EP300: variants seen among roughly 807,000 people sequenced by gnomAD.
EP300 encodes EP300 lysine acetyltransferase, also known as histone acetyltransferase p300.
Under a neutral mutation model 264.0 loss-of-function variants are expected in EP300, and 31 were observed. The observed-to-expected ratio is 0.12, with a 90% CI of 0.09 to 0.16. The LOEUF is 0.16. Ranked by LOEUF, EP300 falls within the 10% of genes least tolerant of loss-of-function variation. The probability of loss-of-function intolerance (pLI) is 1.00; values close to 1 mark genes in which losing one functional copy is unlikely to be tolerated. For missense variants in EP300, 2,766 were observed against 3,052.9 expected (o/e 0.91, Z 2.21); for synonymous variants, 1,340 against 1,045.4 (o/e 1.28, Z -5.44).
chr22:41,127,382 A>G (rs1352509435), intron 3 of EP300, 105 bp from the exon 4 acceptor site: 15 of 1,481,746 alleles, frequency 1.0e-5, no homozygotes, highest in Admixed American at 5.1e-5. Context: ...TCTGGCTTAT[A>G]GTAGACTAAC....
chr22:41,135,937 C>T, intron 7 of EP300, 31 bp downstream of exon 7: 1 of 1,490,618 alleles, frequency 6.7e-7, no homozygotes, highest in South Asian at 1.1e-5. Context: ...TACCCTGGGT[C>T]ACATTACAAA....
At chr22:41,140,924 G>T in intron 9 of EP300, 124 bp from the exon 10 acceptor site, 3 of 886,788 alleles carry the variant, frequency 3.4e-6, no homozygotes, top group African/African-American at 1.7e-5. Flanking sequence ...TTTCTAAATT[G>T]GCACCAGTTC....
Position 41,127,352 on chromosome 22 carries a change from C to T in EP300, c.907-135C>T, listed in dbSNP as rs143324689. On this transcript the variant is annotated intron_variant, in intron 3 of 30. Transcript: ENST00000263253. Reference sequence around the variant, plus strand: ...AGGTAGGAGCCATGGTTTATGCATTCCCTGTGTCAAAAAATGGAGTCTGGC... The same window carrying T: ...AGGTAGGAGCCATGGTTTATGCATTTCCTGTGTCAAAAAATGGAGTCTGGC... The T allele has an allele frequency of 2.0e-3, 2,283 of 1,119,902 alleles. 4 individuals carry two copies. The highest frequency in any genetic ancestry group is 2.5e-3 in the Non-Finnish European group (1,936 of 764,176). The allele number at this position is 1,119,902 out of a possible 1,614,324, so 69.4% of individuals were successfully genotyped here. A position where few individuals can be genotyped will look rare whatever the true frequency, so the allele number is the denominator to read the frequency against.
At chr22:41,141,881 TG>T (rs2058984640) in intron 10 of EP300, among the ~76,000 whole-genome samples, 1 of 152,164 alleles carries the variant, frequency 6.6e-6, no homozygotes, top group Non-Finnish European at 1.5e-5. Context: ...TTTGCCATGT[TG>T]GCCTAGCTGA....
chr22:41,166,437 TCTTA>T (rs781469282), intron 22 of EP300, among the ~76,000 whole-genome samples, 158 bp from the exon 23 acceptor site: 2 of 152,236 alleles, frequency 1.3e-5, no homozygotes. Context: ...TCTTTTTTAT[TCTTA>T]CTGATTTCTA....
At chr22:41,132,368 A>G (rs1271571382) in intron 6 of EP300, among the ~76,000 whole-genome samples, 1 of 133,638 alleles carries the variant, frequency 7.5e-6, no homozygotes, top group Non-Finnish European at 1.6e-5. Flanking sequence ...GCTCACTGCA[A>G]CCTCTGCCTC....
intron 1 of EP300, among the ~76,000 whole-genome samples, chr22:41,093,995 C>T (rs1225077813): frequency 6.6e-6 from 1 of 152,188 alleles, no homozygotes; most frequent in Non-Finnish European, 1.5e-5. Flanking sequence ...CACTTTTAAA[C>T]ATACTTGGAG....
intron 2 of EP300, among the ~76,000 whole-genome samples, chr22:41,121,533 T>C (rs548887155): frequency 3.3e-5 from 5 of 152,234 alleles, no homozygotes; most frequent in Admixed American, 2.0e-4. Context: ...TGACCAAAAG[T>C]GTCAGGAAGA....
rs139382344 is a variant in EP300 at position 41,178,227 on chromosome 22, C to A, written c.6516C>A (p.His2172Gln). Residue 2172 changes from histidine (H) to glutamine (Q), a missense_variant, in exon 31 of 31, where the codon CAC becomes CAA. Physicochemically the swap from His to Gln is conservative, Grantham distance 24. Coordinates refer to ENST00000263253, the MANE Select transcript of EP300 (RefSeq NM_001429.4). ...SPQAQQMNMN[H>Q]NTMPSQFRDI... ...AGGCTCAGCAGATGAACATGAACCA[C>A]AACACCATGCCTTCACAATTCCGAG... is the stretch of plus-strand genomic sequence containing the variant. The A allele has an allele frequency of 8.9e-5, 143 of 1,614,002 alleles. No individual in the cohort carries two copies. Among genetic ancestry groups the A allele is most frequent in the Non-Finnish European group, 1.1e-4 (131 of 1,180,034 alleles).
Position 41,153,008 on chromosome 22 carries a change from G to A in EP300, c.3142+658G>A, listed in dbSNP as rs537159137. On this transcript the variant is annotated intron_variant, in intron 16 of 30. Transcript: ENST00000263253. The stretch of plus-strand genomic sequence containing the variant: ...CTTGACCTGGTGATCCACCCGCTTC[G>A]AGCTCCCAAAGTGCTGGGATTACAG... Among the ~76,000 whole-genome samples, 19 of 152,200 alleles carry A rather than the reference G, an allele frequency of 1.2e-4. No individual in the cohort carries two copies. In the South Asian group the frequency reaches 2.7e-3, roughly 22 times the overall value.
intron 1 of EP300, among the ~76,000 whole-genome samples, chr22:41,116,156 T>TA (rs2058820415): frequency 6.6e-6 from 1 of 152,196 alleles, no homozygotes; most frequent in African/African-American, 2.4e-5. Flanking sequence ...ACTTTTTTTT[T>TA]AACAAAAAAT....
intron 6 of EP300, among the ~76,000 whole-genome samples, chr22:41,132,207 A>G (rs1271264209): frequency 6.6e-6 from 1 of 151,908 alleles, no homozygotes; most frequent in Non-Finnish European, 1.5e-5. Flanking sequence ...AAAAAAAAAA[A>G]AATACTATGT....
intron 1 of EP300, among the ~76,000 whole-genome samples, chr22:41,111,271 C>T (rs764609744): frequency 3.9e-5 from 6 of 152,098 alleles, no homozygotes; most frequent in Non-Finnish European, 7.4e-5. Flanking sequence ...CCACTGTGCC[C>T]GGCTCTACAT....
At chr22:41,135,152 G>A (rs901373734) in intron 6 of EP300, among the ~76,000 whole-genome samples, 3 of 152,020 alleles carry the variant, frequency 2.0e-5, no homozygotes, top group Non-Finnish European at 4.4e-5. Flanking sequence ...CGCCCACCTC[G>A]GCCTCCCAAA....
intron 1 of EP300, among the ~76,000 whole-genome samples, chr22:41,110,667 G>T (rs1054339238): frequency 1.3e-5 from 2 of 151,980 alleles, no homozygotes; most frequent in South Asian, 2.1e-4. Flanking sequence ...GCCTTCCAAC[G>T]TACTAGGATT....
Position 41,149,497 on chromosome 22 carries a change from A to G in EP300, c.2380-264A>G, listed in dbSNP as rs566169774. ...AAAGAGCATAGGCAGGCCCTAGAGC[A>G]CTCTGCACTCAATTCTGCCATTTTT... is the stretch of plus-strand genomic sequence containing the variant. On this transcript the variant is annotated intron_variant, in intron 13 of 30. Transcript: ENST00000263253. 3.9e-5 allele frequency among the ~76,000 whole-genome samples: 6 copies of G among 152,216 alleles called. No individual in the cohort carries two copies. In the South Asian group the frequency reaches 1.2e-3, roughly 32 times the overall value.
At chr22:41,117,120 A>G (rs1359415177) in intron 1 of EP300, 67 bp from the exon 2 acceptor site, 2 of 1,333,358 alleles carry the variant, frequency 1.5e-6, no homozygotes, top group East Asian at 2.3e-5. Flanking sequence ...TATTGAGAAC[A>G]ATATAGAGCA....
At chr22:41,135,448 G>A (rs1004122244) in intron 6 of EP300, among the ~76,000 whole-genome samples, 13 of 151,766 alleles carry the variant, frequency 8.6e-5, no homozygotes, top group Admixed American at 3.9e-4. Context: ...CCATTTCTTC[G>A]TGTCTTTTTA....
chr22:41,096,726 C>A (rs969145527), intron 1 of EP300, among the ~76,000 whole-genome samples: 4 of 148,140 alleles, frequency 2.7e-5, no homozygotes, highest in African/African-American at 1.0e-4. Flanking sequence ...TCAAGCGATT[C>A]TCTGCTTCAC....
Sources: allele counts gnomAD v4.1 joint callset (sites outside exome capture counted in the v4.1 genomes callset), GRCh38; gene constraint gnomAD v4.1.1; transcripts MANE v1.5; gene names NCBI Gene and HGNC (gene_info 2026-07-23, HGNC 2026-07-21).